JPH2: variants seen among roughly 807,000 people sequenced by gnomAD.
JPH2 encodes junctophilin 2, also known as junctophilin-2.
JPH2 carries 38 observed loss-of-function variants against 55.9 expected under a neutral mutation model. The ratio of observed to expected loss-of-function variants is 0.68; its 90% CI spans 0.52 to 0.89. JPH2 has a LOEUF of 0.89. Among genes scored for constraint, JPH2 ranks in the 40% least tolerant of loss-of-function variants. The pLI is 0.00. For synonymous variants in JPH2, 480 were observed against 472.4 expected (o/e 1.02, Z -0.21); for missense variants, 964 against 1,037.6 (o/e 0.93, Z 0.97).
At chr20:44,148,675 C>A (rs1377343102) in intron 2 of JPH2, among the ~76,000 whole-genome samples, 1 of 152,146 alleles carries the variant, frequency 6.6e-6, no homozygotes, top group African/African-American at 2.4e-5. Flanking sequence ...CCTTCTCCCC[C>A]ACAATCTAAG....
chr20:44,137,995 A>C (rs2072426757), intron 2 of JPH2, among the ~76,000 whole-genome samples: 1 of 151,954 alleles, frequency 6.6e-6, no homozygotes. Context: ...AAAAGAGAAA[A>C]AATTTAAAAA....
At chr20:44,140,467 G>A (rs1411282744) in intron 2 of JPH2, among the ~76,000 whole-genome samples, 6 of 152,172 alleles carry the variant, frequency 3.9e-5, no homozygotes, top group Non-Finnish European at 8.8e-5. Context: ...TTTGGCACCA[G>A]GCTGCCATGA....
chr20:44,113,873 G>A (rs1173669001), intron 5 of JPH2, among the ~76,000 whole-genome samples: 3 of 152,180 alleles, frequency 2.0e-5, no homozygotes, highest in Non-Finnish European at 4.4e-5. Flanking sequence ...GGAACCTGCA[G>A]AGCTCAAGTG....
Position 44,108,115 on chromosome 20 carries a change from T to C in JPH2, c.*5403A>G, listed in dbSNP as rs2072118884. Among the ~76,000 whole-genome samples, 1 of 152,180 alleles carries C rather than the reference T, an allele frequency of 6.6e-6. No individual in the cohort carries two copies. The highest frequency in any genetic ancestry group is 2.4e-5 in the African/African-American group (1 of 41,450). ...AATGATTCAATCAATCACCTCTACA[T>C]AATGAAGTCCCAATAAAAACTCTGG... On this transcript the variant is annotated 3_prime_UTR_variant, in exon 6 of 6. Transcript: ENST00000372980.
intron 2 of JPH2, among the ~76,000 whole-genome samples, chr20:44,123,516 C>T (rs1293933818): frequency 6.6e-5 from 10 of 152,198 alleles, no homozygotes; most frequent in African/African-American, 2.4e-4. Flanking sequence ...AAAATAAAAC[C>T]CTAGCTACTT....
intron 1 of JPH2, among the ~76,000 whole-genome samples, chr20:44,169,140 C>T (rs1049932581): frequency 1.3e-5 from 2 of 151,204 alleles, no homozygotes; most frequent in Admixed American, 1.3e-4. Flanking sequence ...ATCAAATAAA[C>T]CTTTTTTCTT....
chr20:44,139,477 T>C (rs982626217), intron 2 of JPH2, among the ~76,000 whole-genome samples: 8 of 152,190 alleles, frequency 5.3e-5, no homozygotes, highest in Non-Finnish European at 1.2e-4. Flanking sequence ...ATAATGGAAT[T>C]CTACACAAGC....
intron 2 of JPH2, among the ~76,000 whole-genome samples, chr20:44,156,797 G>T (rs1402344636): frequency 6.6e-6 from 1 of 152,086 alleles, no homozygotes; most frequent in Non-Finnish European, 1.5e-5. Flanking sequence ...ATTAAATTTC[G>T]ACATGAGTTT....
chr20:44,151,251 TC>T (rs1357354061), intron 2 of JPH2, among the ~76,000 whole-genome samples: 2 of 152,234 alleles, frequency 1.3e-5, no homozygotes, highest in Non-Finnish European at 2.9e-5. Context: ...GCACAGTGGC[TC>T]ACGCCTGTAA....
chr20:44,133,344 A>T (rs1336084532), intron 2 of JPH2, among the ~76,000 whole-genome samples: 1 of 151,836 alleles, frequency 6.6e-6, no homozygotes, highest in East Asian at 2.0e-4. Flanking sequence ...AATATTTTTA[A>T]AATCTCACAT....
Position 44,170,723 on chromosome 20 carries a change from G to C in JPH2, c.380-10316C>G, listed in dbSNP as rs189985838. On this transcript the variant is annotated intron_variant, in intron 1 of 5. Coordinates refer to ENST00000372980, the MANE Select transcript of JPH2 (RefSeq NM_020433.5). Reference sequence around the variant, plus strand: ...CTAAGACAGCTTTGGAGGTAGCAAAGAATAATGGAAATCACATGGTCTTCA... The same window carrying C: ...CTAAGACAGCTTTGGAGGTAGCAAACAATAATGGAAATCACATGGTCTTCA... Among the ~76,000 whole-genome samples, 17 of 152,318 alleles carry C rather than the reference G, an allele frequency of 1.1e-4. No individual in the cohort carries two copies. The South Asian group carries it at 1.5e-3, about 13-fold the overall frequency.
intron 2 of JPH2, among the ~76,000 whole-genome samples, chr20:44,120,215 T>C (rs2072225794): frequency 1.3e-5 from 2 of 152,082 alleles, no homozygotes; most frequent in South Asian, 4.1e-4. Flanking sequence ...CTGAAATCTA[T>C]CCACAGACCC....
chr20:44,166,521 A>G (rs1394765163), intron 1 of JPH2, among the ~76,000 whole-genome samples: 1 of 152,196 alleles, frequency 6.6e-6, no homozygotes, highest in Non-Finnish European at 1.5e-5. Flanking sequence ...TAGTCCCTTT[A>G]AGCCCAAGAA....
rs751768123 is a variant in JPH2 at position 44,115,690 on chromosome 20, G to A, written c.1985C>T (p.Ala662Val). ...CTCTTCCACCTCCACCTCCGCCTCT[G>A]CCGCCAGTGCGGCCTCCTTCCGCGC... ...KKARKEAALA[A>V]EAEVEVEEVP... Residue 662 changes from alanine to valine, a missense_variant, in exon 4 of 6, where the codon GCA becomes GTA. Transcript: ENST00000372980. 1.2e-6 allele frequency: 2 copies of A among 1,612,886 alleles called. No individual in the cohort carries two copies. The highest frequency in any genetic ancestry group is 4.5e-5 in the East Asian group (2 of 44,882).
chr20:44,120,880 G>C (rs1372515586), intron 2 of JPH2, among the ~76,000 whole-genome samples: 2 of 152,246 alleles, frequency 1.3e-5, no homozygotes, highest in Non-Finnish European at 2.9e-5. Context: ...CAGTAGCTGA[G>C]CATGTGCCAG....
intron 2 of JPH2, among the ~76,000 whole-genome samples, chr20:44,151,753 GCCCGTACTAA>G (rs2072532380): frequency 6.6e-6 from 1 of 152,140 alleles, no homozygotes; most frequent in Non-Finnish European, 1.5e-5. Context: ...GGCATTCAAA[GCCCGTACTAA>G]CCTGGCCCTG....
chr20:44,149,394 G>A (rs1029813114), intron 2 of JPH2, among the ~76,000 whole-genome samples: 1 of 152,260 alleles, frequency 6.6e-6, no homozygotes, highest in Non-Finnish European at 1.5e-5. Flanking sequence ...AAGCGGGGCA[G>A]GGTAGCATAT....
chr20:44,184,119 T>C (rs1037628534), intron 1 of JPH2, among the ~76,000 whole-genome samples: 5 of 152,200 alleles, frequency 3.3e-5, no homozygotes, highest in African/African-American at 1.2e-4. Flanking sequence ...ATTGTGCCAC[T>C]GCACTCCAGC....
intron 2 of JPH2, among the ~76,000 whole-genome samples, chr20:44,137,596 G>A (rs2072423373): frequency 6.6e-6 from 1 of 152,230 alleles, no homozygotes; most frequent in African/African-American, 2.4e-5. Context: ...GGACAGGGGA[G>A]GAAGAAGCCA....
Sources: gnomAD v4.1 joint callset for allele counts (sites outside exome capture counted in the v4.1 genomes callset) on GRCh38, gnomAD v4.1.1 for gene constraint, MANE v1.5 for transcripts, NCBI Gene and HGNC (gene_info 2026-07-23, HGNC 2026-07-21) for gene names.